ESS2: variants seen among roughly 807,000 people sequenced by gnomAD.
ESS2 encodes the protein ess-2 spliceosome associated protein.
A neutral mutation model predicts 52.0 loss-of-function variants in ESS2; 31 were observed. The observed-to-expected ratio is 0.60, with a 90% CI of 0.45 to 0.81. The LOEUF is 0.81. Ranked by LOEUF, ESS2 falls within the 30% of genes least tolerant of loss-of-function variation. ESS2 has a pLI of 0.00. For missense variants in ESS2, 602 were observed against 637.2 expected (o/e 0.94, Z 0.59); for synonymous variants, 285 against 259.2 (o/e 1.10, Z -0.95).
Position 19,144,622 on chromosome 22 carries a change from A to T in ESS2, c.19T>A (p.Ser7Thr), listed in dbSNP as rs114771984. The T allele has an allele frequency of 1.3e-6, 2 of 1,542,880 alleles. No homozygotes were observed. Among genetic ancestry groups the T allele is most frequent in the Non-Finnish European group, 8.8e-7 (1 of 1,141,828 alleles). Residue 7 changes from serine to threonine, a missense_variant, in exon 1 of 10, where the codon TCA (serine) becomes ACA (threonine). By Grantham distance (58) the Ser-to-Thr change is moderately conservative (BLOSUM62 1). Coordinates refer to ENST00000252137, the MANE Select transcript of ESS2 (RefSeq NM_022719.3). METPGA[S>T]ASSLLLPAAS... ...GCGGGAAGCAACAAGGACGACGCTG[A>T]TGCGCCCGGCGTCTCCATCGCTATC...
Position 19,131,783 on chromosome 22 carries a change from C to A in ESS2, c.*2413G>T. The A allele has an allele frequency of 1.9e-6, 3 of 1,614,192 alleles. No individual in the cohort carries two copies. Among genetic ancestry groups the A allele is most frequent in the Non-Finnish European group, 2.5e-6 (3 of 1,180,038 alleles). On this transcript the variant is annotated 3_prime_UTR_variant, in exon 10 of 10. Transcript: ENST00000252137. The surrounding 1 kb of genome is among the most constrained non-coding windows in gnomAD (Gnocchi z 5.7). ...TCTCCTCCGCCGTCAAGTACTGCCACGACCTGGACATCGTCCACCGGGACC... is the reference window on the plus strand; with the variant it reads ...TCTCCTCCGCCGTCAAGTACTGCCAAGACCTGGACATCGTCCACCGGGACC...
At chr22:19,138,036 C>T (rs766833827) in intron 7 of ESS2, 179 bp downstream of exon 7, 2 of 985,374 alleles carry the variant, frequency 2.0e-6, no homozygotes, top group Non-Finnish European at 1.2e-6. Flanking sequence ...CCCACGGCCC[C>T]AAGCAGCCTG....
At position 19,137,669 on chromosome 22, in the gene ESS2, A is replaced by G. The variant is rs564198737; in HGVS notation, c.926-237T>C. On this transcript the variant is annotated intron_variant, in intron 7 of 9. Transcript: ENST00000252137. Reference sequence around the variant, plus strand: ...CCTACAGCCATGTGCTTAGCCTACAAGCCTCTGGGAGGTCTCCCCCAGCCA... The same window carrying G: ...CCTACAGCCATGTGCTTAGCCTACAGGCCTCTGGGAGGTCTCCCCCAGCCA... The G allele has an allele frequency of 3.9e-5, 36 of 917,204 alleles. No homozygotes were observed. The African/African-American group carries it at 5.9e-4, about 15-fold the overall frequency. The allele number at this position is 917,204 out of a possible 1,614,324, so 56.8% of individuals were successfully genotyped here. A position where few individuals can be genotyped will look rare whatever the true frequency, so the allele number is the denominator to read the frequency against.
intron 6 of ESS2, among the ~76,000 whole-genome samples, chr22:19,138,901 C>T (rs2083633112): frequency 6.6e-6 from 1 of 152,194 alleles, no homozygotes; most frequent in Admixed American, 6.5e-5. Context: ...GGCTCACTCC[C>T]AGCAGTCCCT....
At chr22:19,139,506 G>T in intron 5 of ESS2, 106 bp downstream of exon 5, 1 of 1,298,664 alleles carries the variant, frequency 7.7e-7, no homozygotes, top group Non-Finnish European at 1.1e-6. Flanking sequence ...AGCCCAAACT[G>T]CAAGGGGGCA....
At chr22:19,134,698 T>TG (rs2083551103) in intron 9 of ESS2, among the ~76,000 whole-genome samples, 1 of 152,048 alleles carries the variant, frequency 6.6e-6, no homozygotes, top group African/African-American at 2.4e-5. Context: ...CCCTTGGCTG[T>TG]GGGGGCTGGG....
At position 19,132,816 on chromosome 22, in the gene ESS2, TCA is replaced by T. The variant is rs973312138; in HGVS notation, c.*1378_*1379del. 93 of 273,922 alleles carry T rather than the reference TCA, an allele frequency of 3.4e-4. No individual in the cohort carries two copies. The highest frequency in any genetic ancestry group is 5.5e-4 in the Non-Finnish European group (78 of 142,334). The allele number at this position is 273,922 out of a possible 1,614,324, so 17.0% of individuals were successfully genotyped here. Reference sequence around the variant, plus strand: ...GACAGATGCTCAGGTACAGGCAGAATCACAGTGTGGCCTGGCCTTGTGGGGGA... The same window carrying T: ...GACAGATGCTCAGGTACAGGCAGAATCAGTGTGGCCTGGCCTTGTGGGGGA... On this transcript the variant is annotated 3_prime_UTR_variant, in exon 10 of 10. Coordinates refer to ENST00000252137, the MANE Select transcript of ESS2 (RefSeq NM_022719.3). This position sits in a 1 kb window ranked among gnomAD's most constrained non-coding sequence, Gnocchi z 4.2.
At chr22:19,139,436 T>G (rs895015904) in intron 5 of ESS2, 144 bp from the exon 6 acceptor site, 3 of 1,333,000 alleles carry the variant, frequency 2.3e-6, no homozygotes, top group Non-Finnish European at 3.1e-6. Flanking sequence ...GGAGAGGGTC[T>G]CACTCACTGC....
intron 1 of ESS2, chr22:19,144,115 TC>T (rs1179894534): frequency 1.9e-5 from 19 of 1,024,988 alleles, no homozygotes; most frequent in Non-Finnish European, 2.1e-5. Flanking sequence ...GCGACGCAGG[TC>T]CACTCACTCG....
chr22:19,131,568 C>T lies in ESS2; in HGVS notation c.*2628G>A, dbSNP rs1000322876. On this transcript the variant is annotated 3_prime_UTR_variant, in exon 10 of 10. Transcript: ENST00000252137. This position sits in a 1 kb window ranked among gnomAD's most constrained non-coding sequence, Gnocchi z 5.7. The stretch of plus-strand genomic sequence containing the variant: ...ACCTACTGACTTTGTGGAGAGATTC[C>T]TTCCTCGGGAGATGGACATCCTGGC... The T allele has an allele frequency of 1.9e-6, 3 of 1,614,020 alleles. No individual in the cohort carries two copies. The Admixed American group carries it at 5.0e-5, about 27-fold the overall frequency.
rs767141147 is a variant in ESS2, at chr22:19,134,409, G to A, written c.1218C>T (p.Ala406=). Residue 406 remains alanine, a synonymous_variant, in exon 10 of 10, where the codon GCC becomes GCT. Coordinates refer to ENST00000252137, the MANE Select transcript of ESS2 (RefSeq NM_022719.3). ...GCAGGGCCCGGTCTGTGTACTTGCTGGCCGTCCTGCTCACAAGGCGCTGTA... is the reference window on the plus strand; with the variant it reads ...GCAGGGCCCGGTCTGTGTACTTGCTAGCCGTCCTGCTCACAAGGCGCTGTA... ...PALQRLVSRT[A]SKYTDRALRA... 7.9e-5 allele frequency: 127 copies of A among 1,608,432 alleles called. No homozygotes were observed. Among genetic ancestry groups the A allele is most frequent in the Non-Finnish European group, 1.0e-4 (118 of 1,177,322 alleles).
chr22:19,140,082 G>A lies in ESS2; in HGVS notation c.401-58C>T, dbSNP rs186969858. ...ACCCTTTGCAGTCAGGAAAGAGGAG[G>A]ACACCCAGGCCCAGGAATCATAGCC... On this transcript the variant is annotated intron_variant, in intron 3 of 9. Coordinates refer to ENST00000252137, the MANE Select transcript of ESS2 (RefSeq NM_022719.3). 33 of 1,588,016 alleles carry A rather than the reference G, an allele frequency of 2.1e-5. No individual in the cohort carries two copies. In the Middle Eastern group the frequency reaches 6.8e-4, roughly 33 times the overall value.
At chr22:19,134,551 C>A in intron 9 of ESS2, 76 bp from the exon 10 acceptor site, 5 of 1,416,790 alleles carry the variant, frequency 3.5e-6, no homozygotes, top group Non-Finnish European at 4.7e-6. Context: ...TCCCTTGGCT[C>A]CCAGGAAGAG....
chr22:19,134,986 G>A (rs1410479356), intron 9 of ESS2, 74 bp downstream of exon 9: 8 of 1,439,826 alleles, frequency 5.6e-6, no homozygotes, highest in East Asian at 4.6e-5. Flanking sequence ...GCCTCCACAC[G>A]GTCAGGGCAG....
Position 19,131,242 on chromosome 22 carries a change from A to C in ESS2, c.*2954T>G, listed in dbSNP as rs920313898. 1.7e-5 allele frequency: 11 copies of C among 632,810 alleles called. No individual in the cohort carries two copies. In the African/African-American group the frequency reaches 2.0e-4, roughly 12 times the overall value. The allele number at this position is 632,810 out of a possible 1,614,324, so 39.2% of individuals were successfully genotyped here. A position where few individuals can be genotyped will look rare whatever the true frequency, so the allele number is the denominator to read the frequency against. On this transcript the variant is annotated 3_prime_UTR_variant, in exon 10 of 10. Transcript: ENST00000252137. The surrounding 1 kb of genome is among the most constrained non-coding windows in gnomAD (Gnocchi z 5.7). ...TTGGCTTTATGAGTTCATTGGCTGAAGTCACCCGGAGACAATGCTGAGTGT... is the reference window on the plus strand; with the variant it reads ...TTGGCTTTATGAGTTCATTGGCTGACGTCACCCGGAGACAATGCTGAGTGT...
At position 19,135,062 on chromosome 22, in the gene ESS2, G is replaced by A; in HGVS notation, c.1149C>T (p.Ala383=). ...EALRRVTENL[A]SLTPKGLSPA... ...CCACCAGCCAGGCGGCCCCTCACCTGGCCAGATTCTCCGTCACTCTCCGCA... is the reference window on the plus strand; with the variant it reads ...CCACCAGCCAGGCGGCCCCTCACCTAGCCAGATTCTCCGTCACTCTCCGCA... The change falls in exon 9 of 10, where the codon GCC becomes GCT. Residue 383 remains alanine (A), a splice_region_variant and synonymous_variant. Transcript: ENST00000252137. The A allele has an allele frequency of 6.2e-7, 1 of 1,613,072 alleles. No homozygotes were observed. The highest frequency in any genetic ancestry group is 8.5e-7 in the Non-Finnish European group (1 of 1,179,686).
In ESS2 at chr22:19,131,176, G is replaced by A; in HGVS notation, c.*3020C>T. On this transcript the variant is annotated 3_prime_UTR_variant, in exon 10 of 10. Transcript: ENST00000252137. This position sits in a 1 kb window ranked among gnomAD's most constrained non-coding sequence, Gnocchi z 5.7. Reference sequence around the variant, plus strand: ...GACCAGCCTGGCTTCCACGGTTCCAGAGACCCTGTTCTCCCTCAGCCCAGT... The same window carrying A: ...GACCAGCCTGGCTTCCACGGTTCCAAAGACCCTGTTCTCCCTCAGCCCAGT... 1.9e-6 allele frequency: 1 copy of A among 529,582 alleles called. No individual in the cohort carries two copies. Among genetic ancestry groups the A allele is most frequent in the Non-Finnish European group, 3.3e-6 (1 of 299,392 alleles). The allele number at this position is 529,582 out of a possible 1,614,324, so 32.8% of individuals were successfully genotyped here. A position where few individuals can be genotyped will look rare whatever the true frequency, so the allele number is the denominator to read the frequency against.
intron 7 of ESS2, chr22:19,137,792 A>T (rs548967953): frequency 1.0e-6 from 1 of 985,338 alleles, no homozygotes; most frequent in African/African-American, 1.7e-5. Context: ...GTGACACAGC[A>T]CCAGCACCCA....
intron 8 of ESS2, among the ~76,000 whole-genome samples, chr22:19,136,031 T>TAA (rs377121962): frequency 0.088 from 8,149 of 92,384 alleles, 471 homozygotes; most frequent in Non-Finnish European, 0.11. Flanking sequence ...CCCTATCTGT[T>TAA]AAAAAAAAAA....
Sources: allele counts gnomAD v4.1 joint callset (sites outside exome capture counted in the v4.1 genomes callset), GRCh38; gene constraint gnomAD v4.1.1; non-coding constraint Gnocchi (gnomAD v3.1); transcripts MANE v1.5; gene names NCBI Gene and HGNC (gene_info 2026-07-23, HGNC 2026-07-21).